TRIM55: variants seen among roughly 807,000 people sequenced by gnomAD.
The protein encoded by TRIM55 is tripartite motif containing 55.
TRIM55 carries 50 observed loss-of-function variants against 60.9 expected under a neutral mutation model. The observed-to-expected ratio is 0.82, with a 90% CI of 0.65 to 1.04. TRIM55 has a LOEUF of 1.04. TRIM55 is among the 50% of genes least tolerant of loss of function. The pLI, the probability that TRIM55 is intolerant of heterozygous loss-of-function variation, is 0.00. For missense variants in TRIM55, 681 were observed against 666.9 expected (o/e 1.02, Z -0.23); for synonymous variants, 237 against 238.1 (o/e 1.00, Z 0.04).
intron 9 of TRIM55, among the ~76,000 whole-genome samples, chr8:66,173,612 A>G (rs1325439211): frequency 6.6e-6 from 1 of 152,324 alleles, no homozygotes; most frequent in East Asian, 1.9e-4. Flanking sequence ...TTATTTATCC[A>G]TAGTTCTCCT....
chr8:66,127,334 G>A lies in TRIM55; in HGVS notation c.66G>A (p.Lys22=), dbSNP rs370465107. 124 of 1,614,046 alleles carry A rather than the reference G, an allele frequency of 7.7e-5. No individual in the cohort carries two copies. Among genetic ancestry groups the A allele is most frequent in the Admixed American group, 2.3e-4 (14 of 59,994 alleles). ...KEQQTMDNLE[K]QLICPICLEM... ...AGCAGACCATGGATAACTTAGAGAA[G>A]CAACTCATCTGTCCCATCTGCTTAG... is the stretch of plus-strand genomic sequence containing the variant. The change falls in exon 1 of 10, where the codon AAG becomes AAA. Residue 22 remains lysine, a synonymous_variant. Transcript: ENST00000315962.
Position 66,154,047 on chromosome 8 carries a change from G to T in TRIM55, c.1237G>T (p.Gly413Trp). 1 of 1,611,142 alleles carries T rather than the reference G, an allele frequency of 6.2e-7. No homozygotes were observed. The highest frequency in any genetic ancestry group is 8.5e-7 in the Non-Finnish European group (1 of 1,178,502). ...PPAADAPVTQ[G>W]EVVPTGSEQT... ...TTTGAATTTATCTGTCCTGATTAAG[G>T]GGGAGGTTGTACCCACTGGCTCTGA... Residue 413 changes from glycine to tryptophan, a missense_variant and splice_region_variant, in exon 9 of 10, where the codon GGG becomes TGG. By Grantham distance (184) the Gly-to-Trp change is radical. Transcript: ENST00000315962.
At chr8:66,131,136 G>T (rs1809132007) in intron 2 of TRIM55, among the ~76,000 whole-genome samples, 1 of 151,986 alleles carries the variant, frequency 6.6e-6, no homozygotes, top group Non-Finnish European at 1.5e-5. Flanking sequence ...CACTGTTCAG[G>T]GTGCCTAACA....
At chr8:66,136,368 G>A (rs947169111) in intron 3 of TRIM55, among the ~76,000 whole-genome samples, 1 of 152,154 alleles carries the variant, frequency 6.6e-6, no homozygotes, top group African/African-American at 2.4e-5. Flanking sequence ...TATAATCACT[G>A]TTCTGGTCCA....
At chr8:66,122,383 C>G (rs891430193), upstream of TRIM55, among the ~76,000 whole-genome samples, 1 of 152,146 alleles carries the variant, frequency 6.6e-6, no homozygotes, top group Non-Finnish European at 1.5e-5. Flanking sequence ...TTGCTTCGAG[C>G]TGTCCCACAT....
chr8:66,135,265 A>G, intron 3 of TRIM55, 110 bp downstream of exon 3: 2 of 1,163,246 alleles, frequency 1.7e-6, no homozygotes, highest in Non-Finnish European at 2.5e-6. Context: ...AGCCCAAGCC[A>G]CGCAGGGCCA....
chr8:66,131,936 A>G (rs1809181527), intron 2 of TRIM55, among the ~76,000 whole-genome samples: 1 of 152,176 alleles, frequency 6.6e-6, no homozygotes, highest in Non-Finnish European at 1.5e-5. Flanking sequence ...TTATTTCCTT[A>G]TCCTCATTTC....
intron 9 of TRIM55, 37 bp from the exon 10 acceptor site, chr8:66,174,434 C>G (rs758808768): frequency 1.9e-6 from 3 of 1,600,220 alleles, no homozygotes; most frequent in South Asian, 1.1e-5. Context: ...AAGAACAAAC[C>G]TCTTTTTTCT....
At chr8:66,144,584 T>C (rs1057376578) in intron 4 of TRIM55, among the ~76,000 whole-genome samples, 1 of 152,134 alleles carries the variant, frequency 6.6e-6, no homozygotes, top group African/African-American at 2.4e-5. Flanking sequence ...ACAGAGGATG[T>C]AGGAAGCACA....
chr8:66,117,166 G>A, the TRIM55 span, among the ~76,000 whole-genome samples: 8 of 152,350 alleles, frequency 5.3e-5, no homozygotes, highest in African/African-American at 1.7e-4. Flanking sequence ...AAGGACATAA[G>A]TGAAACACAT....
the TRIM55 span, among the ~76,000 whole-genome samples, chr8:66,121,628 C>A: frequency 6.6e-6 from 1 of 152,166 alleles, no homozygotes; most frequent in African/African-American, 2.4e-5. Flanking sequence ...AGCTGTTAAA[C>A]TGGGTTCAAA....
chr8:66,114,841 C>G, the TRIM55 span: 1 of 325,218 alleles, frequency 3.1e-6, no homozygotes, highest in South Asian at 2.6e-5. Flanking sequence ...ATGTCATTGT[C>G]CTCCTGTGGA....
chr8:66,168,659 G>A (rs946487918), intron 9 of TRIM55, among the ~76,000 whole-genome samples: 3 of 152,186 alleles, frequency 2.0e-5, no homozygotes, highest in Non-Finnish European at 4.4e-5. Context: ...AGAAAGACAG[G>A]CATTTAACAT....
Position 66,152,607 on chromosome 8 carries a change from G to A in TRIM55, c.1216G>A (p.Ala406Thr), listed in dbSNP as rs1466560362. ...PEPPPALPPA[A>T]DAPVTQGEVV... Reference sequence around the variant, plus strand: ...GCCACCTCCAGCCCTGCCACCTGCTGCGGATGCCCCTGTGACACAGGTAAC... The same window carrying A: ...GCCACCTCCAGCCCTGCCACCTGCTACGGATGCCCCTGTGACACAGGTAAC... Residue 406 changes from alanine (A) to threonine (T), a missense_variant, in exon 8 of 10, where the codon GCG becomes ACG. Ala to Thr is a moderately conservative substitution (Grantham distance 58). Transcript: ENST00000315962. The A allele has an allele frequency of 1.2e-6, 2 of 1,614,016 alleles. No individual in the cohort carries two copies.
At chr8:66,120,976 C>T in the TRIM55 span, among the ~76,000 whole-genome samples, 1 of 152,152 alleles carries the variant, frequency 6.6e-6, no homozygotes, top group East Asian at 1.9e-4. Flanking sequence ...TGAAATTTGG[C>T]CTAACTCCAG....
chr8:66,165,914 T>C (rs1039082343), intron 9 of TRIM55, among the ~76,000 whole-genome samples: 3 of 152,038 alleles, frequency 2.0e-5, no homozygotes, highest in African/African-American at 7.3e-5. Context: ...TAATGCTTTT[T>C]CATTTGTACC....
upstream of TRIM55, among the ~76,000 whole-genome samples, chr8:66,122,911 A>G (rs1808687048): frequency 6.6e-6 from 1 of 152,244 alleles, no homozygotes; most frequent in African/African-American, 2.4e-5. Flanking sequence ...ACCCCAAAAT[A>G]TATTTCTTTG....
chr8:66,156,091 T>A (rs749214351), intron 9 of TRIM55, among the ~76,000 whole-genome samples: 2 of 152,204 alleles, frequency 1.3e-5, no homozygotes, highest in Non-Finnish European at 2.9e-5. Flanking sequence ...AAAGGACTCC[T>A]GCAGGAAAAT....
chr8:66,170,608 G>A (rs556488216), intron 9 of TRIM55, among the ~76,000 whole-genome samples: 5 of 151,996 alleles, frequency 3.3e-5, no homozygotes, highest in Non-Finnish European at 7.4e-5. Context: ...TGTTTGCAAC[G>A]AATTCACATT....
Sources: gnomAD v4.1 joint callset for allele counts (sites outside exome capture counted in the v4.1 genomes callset) on GRCh38, gnomAD v4.1.1 for gene constraint, MANE v1.5 for transcripts, NCBI Gene and HGNC (gene_info 2026-07-23, HGNC 2026-07-21) for gene names.